PLAAT1: variants seen among roughly 807,000 people sequenced by gnomAD.
PLAAT1 encodes phospholipase A and acyltransferase 1.
A neutral mutation model predicts 16.4 loss-of-function variants in PLAAT1; 13 were observed. That is an observed-to-expected ratio of 0.79 (90% CI 0.52 to 1.26). The LOEUF (loss-of-function observed/expected upper bound fraction) is 1.26. PLAAT1 is among the 50% of genes most tolerant of loss of function. The pLI is 0.00. For synonymous variants in PLAAT1, 73 were observed against 78.4 expected (o/e 0.93, Z 0.36); for missense variants, 218 against 207.8 (o/e 1.05, Z -0.30).
intron 1 of PLAAT1, among the ~76,000 whole-genome samples, chr3:193,248,799 T>C (rs1716076205): frequency 6.6e-6 from 1 of 152,160 alleles, no homozygotes. Flanking sequence ...GAATAGTTTT[T>C]CTTCTTTTAA....
At chr3:193,240,997 G>C, upstream of PLAAT1, 1 of 359,360 alleles carries the variant, frequency 2.8e-6, no homozygotes, top group Non-Finnish European at 4.9e-6. Flanking sequence ...TCCGAGACGC[G>C]GGTGCGGAGC....
chr3:193,258,001 T>G (rs1716440236), intron 2 of PLAAT1, among the ~76,000 whole-genome samples: 1 of 152,082 alleles, frequency 6.6e-6, no homozygotes, highest in Admixed American at 6.5e-5. Context: ...TACCTACTTT[T>G]GAGATTTTGG....
At chr3:193,240,954 C>G (rs1365506641), upstream of PLAAT1, among the ~76,000 whole-genome samples, 1 of 152,136 alleles carries the variant, frequency 6.6e-6, no homozygotes, top group Non-Finnish European at 1.5e-5. Flanking sequence ...CCTAGCACAG[C>G]GCCTGGTGCC....
At chr3:193,267,830 T>C (rs1178972508) in intron 3 of PLAAT1, among the ~76,000 whole-genome samples, 1 of 152,234 alleles carries the variant, frequency 6.6e-6, no homozygotes, top group African/African-American at 2.4e-5. Context: ...TTTTGCACTC[T>C]CAGCAATGAG....
chr3:193,257,443 G>C (rs1011400263), intron 2 of PLAAT1, among the ~76,000 whole-genome samples: 1 of 152,080 alleles, frequency 6.6e-6, no homozygotes, highest in African/African-American at 2.4e-5. Context: ...ATTTGAAAAA[G>C]ATTAACCACA....
chr3:193,270,637 A>G lies in PLAAT1; in HGVS notation c.439A>G (p.Thr147Ala). The G allele has an allele frequency of 6.2e-7, 1 of 1,613,652 alleles. No individual in the cohort carries two copies. The highest frequency in any genetic ancestry group is 1.1e-5 in the South Asian group (1 of 91,028). Residue 147 changes from threonine (T) to alanine (A), a missense_variant, in exon 4 of 4, where the codon ACA becomes GCA. Physicochemically the swap from Thr to Ala is moderately conservative, Grantham distance 58 (BLOSUM62 0). Coordinates refer to ENST00000264735, the MANE Select transcript of PLAAT1 (RefSeq NM_020386.5). ...NRAISTVEFV[T>A]AAVGVFSFLG... ...AGCGATAAGTACCGTTGAGTTTGTG[A>G]CAGCTGCTGTTGGTGTCTTCTCATT...
At chr3:193,269,823 T>G (rs1319249258) in intron 3 of PLAAT1, among the ~76,000 whole-genome samples, 2 of 152,170 alleles carry the variant, frequency 1.3e-5, no homozygotes, top group Non-Finnish European at 2.9e-5. Flanking sequence ...GAATATTCAT[T>G]AGTTCTCTCA....
At chr3:193,244,874 G>C (rs1034612685) in intron 1 of PLAAT1, among the ~76,000 whole-genome samples, 2 of 152,100 alleles carry the variant, frequency 1.3e-5, no homozygotes, top group African/African-American at 4.8e-5. Flanking sequence ...TCCATGAATA[G>C]ATTAATCCAT....
At chr3:193,245,028 AATTT>A (rs754912237) in intron 1 of PLAAT1, among the ~76,000 whole-genome samples, 7 of 152,130 alleles carry the variant, frequency 4.6e-5, no homozygotes, top group Non-Finnish European at 1.0e-4. Flanking sequence ...TCATCTCACC[AATTT>A]ATTATTTTTT....
chr3:193,257,039 C>T (rs1398157661), intron 2 of PLAAT1, among the ~76,000 whole-genome samples: 2 of 152,184 alleles, frequency 1.3e-5, no homozygotes, highest in South Asian at 2.1e-4. Flanking sequence ...CTCTGTCACA[C>T]ATCTGCATTT....
At chr3:193,274,960 G>A, downstream of PLAAT1, 4 of 1,540,378 alleles carry the variant, frequency 2.6e-6, no homozygotes, top group South Asian at 4.9e-5. Flanking sequence ...AAAGGTAAGG[G>A]GAGAGTATCA....
rs1028863850 is a variant in PLAAT1 at position 193,276,892 on chromosome 3, A to G, written c.*60-744A>G. 5 of 1,175,416 alleles carry G rather than the reference A, an allele frequency of 4.3e-6. No homozygotes were observed. The Admixed American group carries it at 8.5e-5, about 20-fold the overall frequency. 72.8% of individuals were successfully genotyped at this position (1,175,416 alleles called of 1,614,324 possible). A position where few individuals can be genotyped will look rare whatever the true frequency, so the allele number is the denominator to read the frequency against. On this transcript the variant is annotated intron_variant and NMD_transcript_variant, in intron 2 of 2. Transcript: ENST00000416012. ...ACTTCACACTTTGAAAAAAGACCAT[A>G]TTAATTATTTAATTTATAGATTTGT...
At chr3:193,276,378 G>C (rs897354384) in intron 2 of PLAAT1, among the ~76,000 whole-genome samples, 1 of 152,150 alleles carries the variant, frequency 6.6e-6, no homozygotes, top group Non-Finnish European at 1.5e-5. Context: ...TGGAAACCCT[G>C]CGGAAGGCAG....
downstream of PLAAT1, among the ~76,000 whole-genome samples, chr3:193,272,790 G>A (rs912025458): frequency 4.8e-5 from 7 of 145,306 alleles, no homozygotes; most frequent in Admixed American, 3.5e-4. Context: ...GTGTTTGAGG[G>A]TGTGGTAGTT....
At chr3:193,266,405 C>T (rs12485706) in intron 3 of PLAAT1, among the ~76,000 whole-genome samples, 58,244 of 151,996 alleles carry the variant, frequency 0.38, 12,797 homozygotes, top group Non-Finnish European at 0.48. Context: ...TTGACTATAA[C>T]TTGCAATCTA....
At chr3:193,274,113 G>T (rs567474578), downstream of PLAAT1, among the ~76,000 whole-genome samples, 4 of 151,974 alleles carry the variant, frequency 2.6e-5, no homozygotes, top group African/African-American at 9.7e-5. Flanking sequence ...GCATGGTAGC[G>T]GGTGCCTGTA....
At chr3:193,242,941 A>C (rs1715830836) in intron 1 of PLAAT1, among the ~76,000 whole-genome samples, 1 of 152,218 alleles carries the variant, frequency 6.6e-6, no homozygotes. Context: ...TTGTTAAAAA[A>C]GTGCTCTTCG....
At chr3:193,272,101 A>G (rs1717001452), downstream of PLAAT1, among the ~76,000 whole-genome samples, 1 of 152,072 alleles carries the variant, frequency 6.6e-6, no homozygotes, top group African/African-American at 2.4e-5. Flanking sequence ...TTTACTCTAA[A>G]TTCAAGTCTC....
intron 2 of PLAAT1, 124 bp downstream of exon 2, chr3:193,255,913 A>T: frequency 1.1e-6 from 1 of 886,434 alleles, no homozygotes. Flanking sequence ...GATAAATCCA[A>T]CTAATCTAGG....
Sources: allele counts gnomAD v4.1 joint callset (sites outside exome capture counted in the v4.1 genomes callset), GRCh38; gene constraint gnomAD v4.1.1; transcripts MANE v1.5; gene names NCBI Gene and HGNC (gene_info 2026-07-23, HGNC 2026-07-21).